Variants in DLG2 observed in about 807,000 individuals in gnomAD.
DLG2 encodes the protein disks large homolog 2.
In DLG2, 45 loss-of-function variants were observed where a neutral mutation model predicts 132.5. The ratio of observed to expected loss-of-function variants is 0.34; its 90% CI spans 0.27 to 0.44. The LOEUF (loss-of-function observed/expected upper bound fraction) is 0.44. Among genes scored for constraint, DLG2 ranks in the 20% least tolerant of loss-of-function variants. DLG2 has a pLI of 1.00. For missense variants in DLG2, 1,045 were observed against 1,196.9 expected (o/e 0.87, Z 1.87); for synonymous variants, 424 against 419.6 (o/e 1.01, Z -0.13).
chr11:83,893,163 C>A (rs547716531), intron 15 of DLG2, among the ~76,000 whole-genome samples: 1 of 152,216 alleles, frequency 6.6e-6, no homozygotes, highest in Non-Finnish European at 1.5e-5. Flanking sequence ...AAACAATACG[C>A]TCTCTTAGTA....
chr11:84,278,685 T>C lies in DLG2; in HGVS notation c.520-27394A>G, dbSNP rs11822650. Among the ~76,000 whole-genome samples the C allele has an allele frequency of 8.8e-3, 1,343 of 152,262 alleles. 17 individuals are homozygous for C. The highest frequency in any genetic ancestry group is 0.029 in the African/African-American group (1,211 of 41,570). ...ACGAAATTGGTTTAACATTTACAAA[T>C]GAACCAATGAAATTTATTAAGTTTT... is the stretch of plus-strand genomic sequence containing the variant. On this transcript the variant is annotated intron_variant, in intron 7 of 27. Coordinates refer to ENST00000376104, the MANE Select transcript of DLG2 (RefSeq NM_001142699.3).
chr11:85,196,505 A>G (rs1008529705), intron 4 of DLG2, among the ~76,000 whole-genome samples: 3 of 152,190 alleles, frequency 2.0e-5, no homozygotes, highest in Admixed American at 1.3e-4. Flanking sequence ...TGATTTCCAT[A>G]GTGTAAATAG....
intron 6 of DLG2, among the ~76,000 whole-genome samples, chr11:84,758,378 C>T (rs1565887733): frequency 6.6e-6 from 1 of 152,154 alleles, no homozygotes; most frequent in Non-Finnish European, 1.5e-5. Context: ...ACTATTTGCC[C>T]TCATCAATGT....
rs547681528 is a variant in DLG2, at chr11:84,558,683, C to G, written c.358-23952G>C. Among the ~76,000 whole-genome samples, 98 of 152,200 alleles carry G rather than the reference C, an allele frequency of 6.4e-4. 1 individual carries two copies. In the South Asian group the frequency reaches 0.02, roughly 31 times the overall value. On this transcript the variant is annotated intron_variant, in intron 6 of 27. Coordinates refer to ENST00000376104, the MANE Select transcript of DLG2 (RefSeq NM_001142699.3). ...GCTCCCCAGCTCCCTATACACACAC[C>G]ACTTTTTATTCCTCTGCCTAAACAT...
intron 6 of DLG2, among the ~76,000 whole-genome samples, chr11:84,704,292 T>C (rs2153746640): frequency 6.6e-6 from 1 of 151,670 alleles, no homozygotes; most frequent in East Asian, 2.0e-4. Flanking sequence ...TAAATCTGAG[T>C]TCTGCAAAGT....
chr11:84,017,464 A>C (rs374206672), intron 11 of DLG2, among the ~76,000 whole-genome samples: 2 of 152,152 alleles, frequency 1.3e-5, no homozygotes, highest in South Asian at 2.1e-4. Context: ...TCTGAGATCA[A>C]ATATTTGAAA....
chr11:85,310,222 C>CTT (rs1384514306), intron 3 of DLG2, among the ~76,000 whole-genome samples: 1 of 152,190 alleles, frequency 6.6e-6, no homozygotes, highest in Non-Finnish European at 1.5e-5. Flanking sequence ...TTGAGAATAT[C>CTT]TAACACCCTT....
At chr11:84,636,321 G>C (rs2099640361) in intron 6 of DLG2, among the ~76,000 whole-genome samples, 1 of 152,190 alleles carries the variant, frequency 6.6e-6, no homozygotes, top group Non-Finnish European at 1.5e-5. Flanking sequence ...TATTTACACA[G>C]ATTAAGAAGT....
At chr11:83,668,759 ATG>A in intron 18 of DLG2, among the ~76,000 whole-genome samples, 1 of 144,700 alleles carries the variant, frequency 6.9e-6, no homozygotes, top group East Asian at 2.0e-4. Flanking sequence ...ACACATATAT[ATG>A]TGTATATAAA....
intron 18 of DLG2, among the ~76,000 whole-genome samples, chr11:83,771,872 T>G (rs895495115): frequency 2.6e-5 from 4 of 152,220 alleles, no homozygotes; most frequent in Non-Finnish European, 4.4e-5. Context: ...TATCTTTATA[T>G]GAAGATGTCT....
At chr11:84,038,492 T>C (rs926612677) in intron 11 of DLG2, among the ~76,000 whole-genome samples, 1 of 151,988 alleles carries the variant, frequency 6.6e-6, no homozygotes, top group Non-Finnish European at 1.5e-5. Context: ...AACTTTGTGT[T>C]TTTTTAAAAA....
intron 7 of DLG2, among the ~76,000 whole-genome samples, chr11:84,283,865 A>G (rs886914695): frequency 3.9e-5 from 6 of 152,170 alleles, no homozygotes; most frequent in African/African-American, 1.4e-4. Context: ...ACAATTTCAA[A>G]AATATATGTT....
intron 4 of DLG2, among the ~76,000 whole-genome samples, chr11:85,186,432 C>G (rs1301976980): frequency 6.6e-6 from 1 of 151,914 alleles, no homozygotes; most frequent in Non-Finnish European, 1.5e-5. Context: ...CCATATTGGA[C>G]AGAGCAGCTT....
intron 4 of DLG2, among the ~76,000 whole-genome samples, chr11:85,279,309 T>C (rs548652019): frequency 1.3e-5 from 2 of 150,760 alleles, no homozygotes; most frequent in Admixed American, 1.3e-4. Context: ...TACACAAAGA[T>C]GAATATACAT....
At position 83,530,075 on chromosome 11, in the gene DLG2, A is replaced by T. The variant is rs576766097; in HGVS notation, c.2193+2633T>A. On this transcript the variant is annotated intron_variant, in intron 21 of 27. Transcript: ENST00000376104. Reference sequence around the variant, plus strand: ...GTAAAAATCCTCTCACATATATCCAACTCTATCTGTCTGTCTGTCTGTCTA... The same window carrying T: ...GTAAAAATCCTCTCACATATATCCATCTCTATCTGTCTGTCTGTCTGTCTA... Among the ~76,000 whole-genome samples, 12 of 140,600 alleles carry T rather than the reference A, an allele frequency of 8.5e-5. No individual in the cohort carries two copies. In the South Asian group the frequency reaches 2.0e-3, roughly 23 times the overall value. The allele number at this position is 140,600 out of a possible 152,430, so 92.2% of individuals were successfully genotyped here.
At chr11:84,133,790 C>T (rs368356678) in intron 9 of DLG2, among the ~76,000 whole-genome samples, 6 of 152,106 alleles carry the variant, frequency 3.9e-5, no homozygotes, top group Admixed American at 3.3e-4. Flanking sequence ...TAAAAGAAGA[C>T]ATATTTTGTT....
intron 6 of DLG2, among the ~76,000 whole-genome samples, chr11:85,007,398 C>T (rs183761082): frequency 3.9e-5 from 6 of 152,008 alleles, no homozygotes; most frequent in African/African-American, 1.4e-4. Context: ...CAGTGGCTCA[C>T]GCCTGTAATC....
intron 6 of DLG2, among the ~76,000 whole-genome samples, chr11:85,022,461 T>A (rs1021485430): frequency 2.0e-5 from 3 of 152,038 alleles, no homozygotes; most frequent in African/African-American, 7.2e-5. Flanking sequence ...ATTATATATA[T>A]GTTACTCTGG....
chr11:85,384,286 T>C (rs983735423), intron 3 of DLG2, among the ~76,000 whole-genome samples: 6 of 152,226 alleles, frequency 3.9e-5, no homozygotes, highest in Admixed American at 3.9e-4. Context: ...GTGGAAAGTC[T>C]GAGATTTGAC....
Sources: gnomAD v4.1 joint callset for allele counts (sites outside exome capture counted in the v4.1 genomes callset) on GRCh38, gnomAD v4.1.1 for gene constraint, MANE v1.5 for transcripts, NCBI Gene and HGNC (gene_info 2026-07-23, HGNC 2026-07-21) for gene names.